The following ZCCHC10 variants were observed in gnomAD, a reference collection of about 807,000 sequenced individuals.
The protein encoded by ZCCHC10 is zinc finger CCHC domain-containing protein 10.
A neutral mutation model predicts 19.5 loss-of-function variants in ZCCHC10; 16 were observed. The observed-to-expected ratio is 0.82, with a 90% CI of 0.56 to 1.25. ZCCHC10 has a LOEUF of 1.25. Among genes scored for constraint, ZCCHC10 ranks in the 50% most tolerant of loss-of-function variants. The probability of loss-of-function intolerance (pLI) is 0.00; values close to 1 mark genes in which losing one functional copy is unlikely to be tolerated. For synonymous variants in ZCCHC10, 67 were observed against 72.5 expected, an observed-to-expected ratio of 0.92 and a Z score of 0.38; for missense variants, 197 against 201.0, an observed-to-expected ratio of 0.98 and a Z score of 0.12.
intron 2 of ZCCHC10, among the ~76,000 whole-genome samples, chr5:133,007,624 T>C (rs56720573): frequency 0.33 from 50,139 of 151,852 alleles, 9,713 homozygotes; most frequent in African/African-American, 0.55. Flanking sequence ...CCATGTAAGA[T>C]GTGACTTGTT....
At chr5:133,011,047 C>A (rs1163022355) in intron 2 of ZCCHC10, among the ~76,000 whole-genome samples, 1 of 152,128 alleles carries the variant, frequency 6.6e-6, no homozygotes, top group African/African-American at 2.4e-5. Flanking sequence ...CCACCTTGGC[C>A]TCCCAAAGTG....
At chr5:133,018,339 G>A (rs1279856636) in intron 2 of ZCCHC10, among the ~76,000 whole-genome samples, 1 of 150,780 alleles carries the variant, frequency 6.6e-6, no homozygotes, top group African/African-American at 2.4e-5. Context: ...ATAGAGAAAA[G>A]GTCTCACTAT....
Position 133,026,520 on chromosome 5 carries a change from A to G in ZCCHC10, c.18T>C (p.His6=). ...ACGCTTGTCTCCGGGCTATTAGCCG[A>G]TGCATGGGAGTCGCCATCTTAGCGC... MATPM[H]RLIARRQAFD... The change falls in exon 1 of 5, where the codon CAT becomes CAC. Residue 6 remains histidine (H), a synonymous_variant. Transcript: ENST00000509437. 6.2e-7 allele frequency: 1 copy of G among 1,613,728 alleles called. No homozygotes were observed. Among genetic ancestry groups the G allele is most frequent in the Non-Finnish European group, 8.5e-7 (1 of 1,179,948 alleles).
intron 2 of ZCCHC10, among the ~76,000 whole-genome samples, chr5:133,010,264 G>T (rs2126596262): frequency 6.6e-6 from 1 of 152,028 alleles, no homozygotes; most frequent in African/African-American, 2.4e-5. Context: ...ATCCTGGCTG[G>T]TCTCGAACTC....
At chr5:133,002,726 TTTC>T (rs1159547479) in intron 3 of ZCCHC10, among the ~76,000 whole-genome samples, 3 of 129,252 alleles carry the variant, frequency 2.3e-5, no homozygotes, top group Non-Finnish European at 4.8e-5. Context: ...GCTGATACTT[TTTC>T]TTTTTTTTGA....
At chr5:133,020,418 T>C (rs746831436) in intron 2 of ZCCHC10, among the ~76,000 whole-genome samples, 2 of 151,966 alleles carry the variant, frequency 1.3e-5, no homozygotes, top group Admixed American at 1.3e-4. Flanking sequence ...TACTCCAGCC[T>C]GGGCCACAGA....
intron 4 of ZCCHC10, among the ~76,000 whole-genome samples, chr5:132,999,725 G>A (rs908722177): frequency 1.3e-5 from 2 of 152,284 alleles, no homozygotes; most frequent in Middle Eastern, 3.4e-3. Context: ...ATAAATTGCA[G>A]TAAGAGGCTT....
At chr5:133,021,174 C>T (rs1248035391) in intron 2 of ZCCHC10, among the ~76,000 whole-genome samples, 1 of 152,150 alleles carries the variant, frequency 6.6e-6, no homozygotes, top group Non-Finnish European at 1.5e-5. Context: ...GGATTACAGG[C>T]GTGAGCCACC....
intron 3 of ZCCHC10, 102 bp downstream of exon 3, chr5:133,006,657 T>C (rs1581388388): frequency 8.6e-7 from 1 of 1,156,070 alleles, no homozygotes; most frequent in East Asian, 2.6e-5. Context: ...TTAGTAACAT[T>C]ATAATTAAAA....
intron 3 of ZCCHC10, among the ~76,000 whole-genome samples, chr5:133,001,951 ATCTT>A (rs1353262696): frequency 2.3e-5 from 3 of 131,760 alleles, no homozygotes; most frequent in African/African-American, 8.3e-5. Context: ...AAATTCAGCA[ATCTT>A]TTTTTTTTTT....
At position 133,000,144 on chromosome 5, in the gene ZCCHC10, G is replaced by T; in HGVS notation, c.299C>A (p.Ala100Asp). ...SIGETNVERKAKKKRSKSVTS... is the reference protein window; with the variant it reads ...SIGETNVERKDKKKRSKSVTS... The stretch of plus-strand genomic sequence containing the variant: ...AAACCACACATACCTTTTTTTCTTG[G>T]CCTTTCTTTCTACATTGGTTTCTCC... Residue 100 changes from alanine (A) to aspartate (D), a missense_variant, in exon 4 of 5, where the codon GCC becomes GAC. Coordinates refer to ENST00000509437, the MANE Select transcript of ZCCHC10 (RefSeq NM_001300816.3). 1 of 1,611,552 alleles carries T rather than the reference G, an allele frequency of 6.2e-7. No individual in the cohort carries two copies. The highest frequency in any genetic ancestry group is 8.5e-7 in the Non-Finnish European group (1 of 1,179,174).
intron 4 of ZCCHC10, 21 bp from the exon 5 acceptor site, chr5:132,998,871 A>G: frequency 6.2e-7 from 1 of 1,603,188 alleles, no homozygotes; most frequent in Non-Finnish European, 8.5e-7. Flanking sequence ...ATACAGAGTT[A>G]TATACATGGG....
In ZCCHC10 at chr5:133,008,404, G is replaced by C. The variant is rs766920734; in HGVS notation, c.108-1484C>G. Among the ~76,000 whole-genome samples, 11 of 151,236 alleles carry C rather than the reference G, an allele frequency of 7.3e-5. 1 individual carries two copies. The highest frequency in any genetic ancestry group is 1.6e-4 in the Non-Finnish European group (11 of 67,886). On this transcript the variant is annotated intron_variant, in intron 2 of 4. Transcript: ENST00000509437. The stretch of plus-strand genomic sequence containing the variant: ...AATACAAAAATTAGCTGGGCGTGGT[G>C]GTGGGCACCTGTAATCCCAGCTACA...
intron 2 of ZCCHC10, among the ~76,000 whole-genome samples, chr5:133,012,507 T>G: frequency 6.8e-6 from 1 of 147,528 alleles, no homozygotes; most frequent in African/African-American, 2.5e-5. Flanking sequence ...AAAAGGCCAG[T>G]AACAGACAAA....
At chr5:133,004,455 T>C (rs1762975968) in intron 3 of ZCCHC10, among the ~76,000 whole-genome samples, 1 of 152,212 alleles carries the variant, frequency 6.6e-6, no homozygotes. Context: ...ATTACAGGCA[T>C]GAGCCACCGC....
chr5:133,024,622 G>C (rs1764545213), intron 1 of ZCCHC10, among the ~76,000 whole-genome samples: 1 of 152,050 alleles, frequency 6.6e-6, no homozygotes, highest in African/African-American at 2.4e-5. Flanking sequence ...TGACTTAATG[G>C]TGGGCGCAGT....
In ZCCHC10 at chr5:133,026,547, G is replaced by C; in HGVS notation, c.-10C>G. On this transcript the variant is annotated 5_prime_UTR_variant, in exon 1 of 5. Transcript: ENST00000509437. Reference sequence around the variant, plus strand: ...GCATGGGAGTCGCCATCTTAGCGCGGTCAAAGCCGGCCGCGCAGGGTTTTG... The same window carrying C: ...GCATGGGAGTCGCCATCTTAGCGCGCTCAAAGCCGGCCGCGCAGGGTTTTG... 1.2e-6 allele frequency: 2 copies of C among 1,613,320 alleles called. No individual in the cohort carries two copies. Among genetic ancestry groups the C allele is most frequent in the Non-Finnish European group, 1.7e-6 (2 of 1,179,750 alleles).
Position 132,997,719 on chromosome 5 carries a change from A to AT in ZCCHC10, c.*863dup, listed in dbSNP as rs1762513899. 1.3e-5 allele frequency: 2 copies of AT among 152,162 alleles called. No homozygotes were observed. The highest frequency in any genetic ancestry group is 4.8e-5 in the African/African-American group (2 of 41,452). 9.4% of individuals were successfully genotyped at this position (152,162 alleles called of 1,614,324 possible). The stretch of plus-strand genomic sequence containing the variant: ...ATAAAAGGCGACCAACATTGCCCTA[A>AT]TTTTCAGTAAAAATTACCTCTTCTT... On this transcript the variant is annotated 3_prime_UTR_variant, in exon 5 of 5. Coordinates refer to ENST00000509437, the MANE Select transcript of ZCCHC10 (RefSeq NM_001300816.3).
intron 2 of ZCCHC10, among the ~76,000 whole-genome samples, chr5:133,015,760 C>A (rs963876470): frequency 6.7e-5 from 5 of 74,366 alleles, no homozygotes; most frequent in African/African-American, 4.4e-4. Context: ...TAGGTCACTC[C>A]TCAATTCCTG....
Sources: gnomAD v4.1 joint callset for allele counts (sites outside exome capture counted in the v4.1 genomes callset) on GRCh38, gnomAD v4.1.1 for gene constraint, MANE v1.5 for transcripts, NCBI Gene and HGNC (gene_info 2026-07-23, HGNC 2026-07-21) for gene names.